DOK6: variants seen among roughly 807,000 people sequenced by gnomAD.
DOK6 encodes downstream of tyrosine kinase 6.
Under a neutral mutation model 44.0 loss-of-function variants are expected in DOK6, and 22 were observed. The observed-to-expected ratio is 0.50, with a 90% CI of 0.36 to 0.71. The LOEUF is 0.71. Among genes scored for constraint, DOK6 ranks in the 30% least tolerant of loss-of-function variants. The pLI, the probability that DOK6 is intolerant of heterozygous loss-of-function variation, is 0.00. For synonymous variants in DOK6, 166 were observed against 145.5 expected (o/e 1.14, Z -1.01); for missense variants, 340 against 416.4 (o/e 0.82, Z 1.60).
At chr18:69,496,042 G>T (rs1043729069) in intron 1 of DOK6, among the ~76,000 whole-genome samples, 1 of 152,182 alleles carries the variant, frequency 6.6e-6, no homozygotes, top group Non-Finnish European at 1.5e-5. Flanking sequence ...ATTGTGGCTT[G>T]TATGGCTGTA....
At chr18:69,435,348 C>T (rs954541691) in intron 1 of DOK6, among the ~76,000 whole-genome samples, 6 of 152,188 alleles carry the variant, frequency 3.9e-5, no homozygotes, top group East Asian at 1.9e-4. Flanking sequence ...TTAAGCTGTG[C>T]GCTCTACTGG....
At chr18:69,791,657 C>T (rs1242509093) in intron 7 of DOK6, among the ~76,000 whole-genome samples, 1 of 152,012 alleles carries the variant, frequency 6.6e-6, no homozygotes, top group Non-Finnish European at 1.5e-5. Context: ...GTTATTATCC[C>T]TTATTGGATG....
intron 2 of DOK6, among the ~76,000 whole-genome samples, chr18:69,584,305 G>A (rs2144612271): frequency 6.6e-6 from 1 of 151,516 alleles, no homozygotes; most frequent in East Asian, 1.9e-4. Context: ...TTTTTCGTAT[G>A]AGATAGAGTC....
intron 7 of DOK6, among the ~76,000 whole-genome samples, chr18:69,790,705 G>T (rs12971094): frequency 0.46 from 69,564 of 151,710 alleles, 18,123 homozygotes; most frequent in East Asian, 0.65. Context: ...GAGCTATTTT[G>T]ATATGGGCAT....
At chr18:69,687,717 A>G (rs778976312) in intron 4 of DOK6, among the ~76,000 whole-genome samples, 5 of 152,084 alleles carry the variant, frequency 3.3e-5, no homozygotes, top group Non-Finnish European at 7.4e-5. Context: ...AAAATGAGAC[A>G]CTAACAGACT....
chr18:69,819,210 G>A (rs1019687760), intron 7 of DOK6, among the ~76,000 whole-genome samples: 1 of 151,946 alleles, frequency 6.6e-6, no homozygotes, highest in African/African-American at 2.4e-5. Flanking sequence ...ATCCATATCA[G>A]TATCTTAATC....
At chr18:69,809,637 A>G (rs756490132) in intron 7 of DOK6, among the ~76,000 whole-genome samples, 10 of 151,580 alleles carry the variant, frequency 6.6e-5, no homozygotes, top group Non-Finnish European at 1.2e-4. Flanking sequence ...AAAAATAATG[A>G]ATTTGGTAAA....
At chr18:69,428,065 A>C (rs1978693890) in intron 1 of DOK6, among the ~76,000 whole-genome samples, 2 of 152,202 alleles carry the variant, frequency 1.3e-5, no homozygotes, top group African/African-American at 4.8e-5. Flanking sequence ...GGCGTGAGCC[A>C]TCCGGCCTGG....
chr18:69,818,047 C>T (rs954789765), intron 7 of DOK6, among the ~76,000 whole-genome samples: 2 of 152,152 alleles, frequency 1.3e-5, no homozygotes, highest in African/African-American at 2.4e-5. Context: ...CACCATACAC[C>T]TCCTTCTCCT....
intron 1 of DOK6, among the ~76,000 whole-genome samples, chr18:69,419,729 C>T (rs1434518990): frequency 1.3e-5 from 2 of 152,112 alleles, no homozygotes; most frequent in African/African-American, 2.4e-5. Context: ...TTAATACCAA[C>T]CCCAGCATTT....
intron 1 of DOK6, among the ~76,000 whole-genome samples, chr18:69,554,428 G>T (rs1389863449): frequency 6.6e-6 from 1 of 152,142 alleles, no homozygotes; most frequent in Non-Finnish European, 1.5e-5. Context: ...AATAATCCTT[G>T]TATCATGCTT....
At chr18:69,639,110 G>A (rs1473856975) in intron 3 of DOK6, among the ~76,000 whole-genome samples, 2 of 152,076 alleles carry the variant, frequency 1.3e-5, no homozygotes, top group Admixed American at 1.3e-4. Flanking sequence ...CAGTCTAGAA[G>A]ATGCAAATAA....
chr18:69,750,356 G>C (rs559424069), intron 6 of DOK6, among the ~76,000 whole-genome samples: 1 of 152,100 alleles, frequency 6.6e-6, no homozygotes, highest in South Asian at 2.1e-4. Context: ...CAGTCAGAAA[G>C]CTTTGTGAAT....
chr18:69,478,623 G>A (rs1980335473), intron 1 of DOK6, among the ~76,000 whole-genome samples: 1 of 152,066 alleles, frequency 6.6e-6, no homozygotes, highest in African/African-American at 2.4e-5. Flanking sequence ...GATTCTGATA[G>A]TACACATTTA....
intron 7 of DOK6, among the ~76,000 whole-genome samples, chr18:69,793,593 A>G (rs545081287): frequency 1.3e-5 from 2 of 152,286 alleles, no homozygotes; most frequent in South Asian, 4.1e-4. Context: ...AGGGGAACTT[A>G]AGACTCCTAG....
rs1982300097 is a variant in DOK6 at position 69,844,278 on chromosome 18, A to T, written c.*2895A>T. On this transcript the variant is annotated 3_prime_UTR_variant, in exon 8 of 8. Transcript: ENST00000382713. ...CTCCTTCTGAAAGTGACTCAGTTTG[A>T]ATTCCATTCAGATTTGTACAGATAA... 1 of 152,232 alleles carries T rather than the reference A, an allele frequency of 6.6e-6. No homozygotes were observed. Among genetic ancestry groups the T allele is most frequent in the Non-Finnish European group, 1.5e-5 (1 of 68,044 alleles). 9.4% of individuals were successfully genotyped at this position (152,232 alleles called of 1,614,324 possible). A position where few individuals can be genotyped will look rare whatever the true frequency, so the allele number is the denominator to read the frequency against.
rs1198262439 is a variant in DOK6, at chr18:69,412,520, T to C, written c.66+11210T>C. 1.3e-5 allele frequency among the ~76,000 whole-genome samples: 2 copies of C among 152,110 alleles called. 1 individual carries two copies. The highest frequency in any genetic ancestry group is 1.3e-4 in the Admixed American group (2 of 15,258). On this transcript the variant is annotated intron_variant, in intron 1 of 7. Coordinates refer to ENST00000382713, the MANE Select transcript of DOK6 (RefSeq NM_152721.6). ...AGAGAATTATTTGTTTCAGGCTTGG[T>C]TTTTATCTCAAGTGATTCTAGAATA... is the stretch of plus-strand genomic sequence containing the variant.
intron 5 of DOK6, among the ~76,000 whole-genome samples, chr18:69,731,255 A>T (rs1437961151): frequency 6.6e-6 from 1 of 152,324 alleles, no homozygotes; most frequent in East Asian, 1.9e-4. Context: ...ATGCATATAT[A>T]TGAGAACAAA....
intron 7 of DOK6, among the ~76,000 whole-genome samples, chr18:69,776,845 G>A (rs763306523): frequency 1.1e-4 from 17 of 151,960 alleles, no homozygotes; most frequent in Non-Finnish European, 2.4e-4. Context: ...ATGTAGGCAT[G>A]TGAAATCTGT....
Sources: gnomAD v4.1 joint callset for allele counts (sites outside exome capture counted in the v4.1 genomes callset) on GRCh38, gnomAD v4.1.1 for gene constraint, MANE v1.5 for transcripts, NCBI Gene and HGNC (gene_info 2026-07-23, HGNC 2026-07-21) for gene names.